DTL: variants seen among roughly 807,000 people sequenced by gnomAD.
DTL encodes denticleless E3 ubiquitin protein ligase adapter.
DTL carries 46 observed loss-of-function variants against 87.0 expected under a neutral mutation model. The observed-to-expected ratio is 0.53, with a 90% CI of 0.42 to 0.68. The LOEUF (loss-of-function observed/expected upper bound fraction) is 0.68. DTL is among the 30% of genes least tolerant of loss of function. DTL has a pLI of 0.00. For missense variants in DTL, 737 were observed against 869.4 expected, an observed-to-expected ratio of 0.85 and a Z score of 1.91; for synonymous variants, 308 against 311.2, an observed-to-expected ratio of 0.99 and a Z score of 0.11.
At chr1:212,059,300 A>AT (rs1197018688) in intron 5 of DTL, among the ~76,000 whole-genome samples, 1 of 151,432 alleles carries the variant, frequency 6.6e-6, no homozygotes, top group African/African-American at 2.4e-5. Context: ...TCAACAGCAC[A>AT]TTAAAAAAAA....
chr1:212,071,295 A>G (rs985377465), intron 10 of DTL, among the ~76,000 whole-genome samples: 11 of 152,176 alleles, frequency 7.2e-5, no homozygotes, highest in Non-Finnish European at 1.5e-5. Context: ...AAATTCTCCA[A>G]TAATTGAGAT....
At position 212,067,438 on chromosome 1, in the gene DTL, G is replaced by A. The variant is rs565625171; in HGVS notation, c.713+553G>A. 9.2e-5 allele frequency among the ~76,000 whole-genome samples: 14 copies of A among 152,260 alleles called. No homozygotes were observed. In the South Asian group the frequency reaches 1.7e-3, roughly 18 times the overall value. ...CTCTGTGATGCTTGTTGATTGTGTT[G>A]TAGAATATTAATTCTATGCAAATGG... is the stretch of plus-strand genomic sequence containing the variant. On this transcript the variant is annotated intron_variant, in intron 8 of 14. Transcript: ENST00000366991.
rs189244037 is a variant in DTL at position 212,053,074 on chromosome 1, C to T, written c.460+5657C>T. On this transcript the variant is annotated intron_variant, in intron 5 of 14. Coordinates refer to ENST00000366991, the MANE Select transcript of DTL (RefSeq NM_016448.4). ...ACACATGCATACAAATGGAATGATA[C>T]AATATGTGGTCTTCTGTGACTGGCT... Among the ~76,000 whole-genome samples the T allele has an allele frequency of 8.5e-5, 13 of 152,276 alleles. No individual in the cohort carries two copies. The East Asian group carries it at 1.4e-3, about 16-fold the overall frequency.
chr1:212,066,748 G>T (rs1434827018), intron 7 of DTL, 64 bp from the exon 8 acceptor site: 1 of 1,509,912 alleles, frequency 6.6e-7, no homozygotes, highest in Non-Finnish European at 9.2e-7. Context: ...TTAGCACCTT[G>T]TTCCCTTGAT....
chr1:212,073,805 C>T (rs1445103682), intron 11 of DTL, among the ~76,000 whole-genome samples: 1 of 152,014 alleles, frequency 6.6e-6, no homozygotes, highest in African/African-American at 2.4e-5. Flanking sequence ...GGAGTTTCCT[C>T]TTTATAATAT....
intron 3 of DTL, among the ~76,000 whole-genome samples, chr1:212,046,157 A>G (rs943088333): frequency 1.4e-4 from 22 of 152,210 alleles, no homozygotes; most frequent in African/African-American, 5.3e-4. Flanking sequence ...ACTCATGGAA[A>G]GGAATTTGAC....
At chr1:212,080,820 A>G in intron 13 of DTL, 70 bp downstream of exon 13, 1 of 1,499,210 alleles carries the variant, frequency 6.7e-7, no homozygotes, top group Non-Finnish European at 9.1e-7. Flanking sequence ...CAGAGTAATA[A>G]GCTAGATTTG....
At chr1:212,083,421 A>G (rs1281219892) in intron 13 of DTL, among the ~76,000 whole-genome samples, 1 of 152,210 alleles carries the variant, frequency 6.6e-6, no homozygotes, top group Non-Finnish European at 1.5e-5. Context: ...TAAGGACATA[A>G]TGGGGCCAAG....
intron 11 of DTL, among the ~76,000 whole-genome samples, chr1:212,074,900 G>A (rs565879653): frequency 3.3e-5 from 5 of 152,108 alleles, no homozygotes; most frequent in Non-Finnish European, 5.9e-5. Context: ...TAATATATTC[G>A]GGCTGATATT....
chr1:212,072,280 A>G (rs928780455), intron 11 of DTL, 67 bp downstream of exon 11: 36 of 1,245,232 alleles, frequency 2.9e-5, no homozygotes, highest in Admixed American at 1.7e-5. Context: ...GTTCTGTCCA[A>G]TATGAGATAA....
At chr1:212,091,686 C>T (rs1243005364) in intron 13 of DTL, among the ~76,000 whole-genome samples, 1 of 152,150 alleles carries the variant, frequency 6.6e-6, no homozygotes. Context: ...ATAAGCCAGA[C>T]AGAGAAAGAC....
chr1:212,083,285 C>G (rs963115655), intron 13 of DTL, among the ~76,000 whole-genome samples: 2 of 152,100 alleles, frequency 1.3e-5, no homozygotes, highest in African/African-American at 2.4e-5. Flanking sequence ...TTTGCTGTCA[C>G]GAGAACAGCA....
chr1:212,090,125 C>T (rs531598907), intron 13 of DTL, among the ~76,000 whole-genome samples: 40 of 152,224 alleles, frequency 2.6e-4, no homozygotes, highest in African/African-American at 8.9e-4. Context: ...TTACTAAGTC[C>T]TTTTCATGGC....
chr1:212,087,001 T>TAC (rs1281211686), intron 13 of DTL, among the ~76,000 whole-genome samples: 2 of 152,250 alleles, frequency 1.3e-5, no homozygotes, highest in Non-Finnish European at 2.9e-5. Flanking sequence ...CCAAAAAAGT[T>TAC]ACATATTGAC....
chr1:212,080,021 T>C (rs1360842897), intron 12 of DTL, among the ~76,000 whole-genome samples: 2 of 152,206 alleles, frequency 1.3e-5, no homozygotes, highest in Non-Finnish European at 2.9e-5. Context: ...CAGATATTTT[T>C]AAAGGGACAA....
At chr1:212,072,600 G>A (rs1044097741) in intron 11 of DTL, among the ~76,000 whole-genome samples, 5 of 152,048 alleles carry the variant, frequency 3.3e-5, no homozygotes, top group Non-Finnish European at 7.4e-5. Flanking sequence ...TCCTGTGCTT[G>A]AATCACCCAT....
intron 13 of DTL, among the ~76,000 whole-genome samples, chr1:212,084,452 C>T (rs1655073285): frequency 6.6e-6 from 1 of 152,064 alleles, no homozygotes; most frequent in African/African-American, 2.4e-5. Flanking sequence ...TCCCAAAGTG[C>T]TGGGATTACA....
intron 11 of DTL, among the ~76,000 whole-genome samples, chr1:212,076,104 A>G (rs116001751): frequency 0.011 from 1,691 of 152,318 alleles, 31 homozygotes; most frequent in African/African-American, 0.038. Flanking sequence ...TTGTTTATTC[A>G]TTCATCAGTT....
intron 5 of DTL, among the ~76,000 whole-genome samples, chr1:212,050,379 A>G (rs1215464959): frequency 6.6e-6 from 1 of 152,182 alleles, no homozygotes; most frequent in African/African-American, 2.4e-5. Context: ...CTACCAACTA[A>G]AAGCAAAGAA....
Sources: gnomAD v4.1 joint callset for allele counts (sites outside exome capture counted in the v4.1 genomes callset) on GRCh38, gnomAD v4.1.1 for gene constraint, MANE v1.5 for transcripts, NCBI Gene and HGNC (gene_info 2026-07-23, HGNC 2026-07-21) for gene names.